Variants in ADAMTSL3 observed in about 807,000 individuals in gnomAD.
The protein encoded by ADAMTSL3 is ADAMTS-like protein 3.
ADAMTSL3 carries 128 observed loss-of-function variants against 201.7 expected under a neutral mutation model. The ratio of observed to expected loss-of-function variants is 0.63; its 90% CI spans 0.55 to 0.73. ADAMTSL3 has a LOEUF of 0.73. ADAMTSL3 is among the 30% of genes least tolerant of loss of function. ADAMTSL3 has a pLI of 0.00. For missense variants in ADAMTSL3, 1,990 were observed against 2,119.6 expected (o/e 0.94, Z 1.20); for synonymous variants, 738 against 748.4 (o/e 0.99, Z 0.23).
intron 7 of ADAMTSL3, among the ~76,000 whole-genome samples, chr15:83,855,405 C>T (rs181875436): frequency 6.6e-6 from 1 of 152,276 alleles, no homozygotes; most frequent in Admixed American, 6.5e-5. Flanking sequence ...CAAATGCCTC[C>T]TGGGGAAAAG....
intron 16 of ADAMTSL3, among the ~76,000 whole-genome samples, chr15:83,918,252 A>C (rs2141975503): frequency 1.3e-5 from 2 of 152,350 alleles, no homozygotes; most frequent in Middle Eastern, 6.8e-3. Context: ...TTTCATTTTA[A>C]AACAATGTTC....
At chr15:83,752,854 G>C (rs1192251590) in intron 3 of ADAMTSL3, among the ~76,000 whole-genome samples, 1 of 152,110 alleles carries the variant, frequency 6.6e-6, no homozygotes, top group Non-Finnish European at 1.5e-5. Context: ...AAATTATAGA[G>C]ACCGTTTGCT....
At chr15:83,690,933 A>T (rs1410800569) in intron 2 of ADAMTSL3, among the ~76,000 whole-genome samples, 1 of 152,204 alleles carries the variant, frequency 6.6e-6, no homozygotes, top group Non-Finnish European at 1.5e-5. Context: ...TTGTCAAAAT[A>T]TGCAAGCTGC....
Position 83,970,537 on chromosome 15 carries a change from G to C in ADAMTSL3, c.2544G>C (p.Arg848Ser), listed in dbSNP as rs765204256. 1.4e-5 allele frequency: 22 copies of C among 1,614,086 alleles called. No homozygotes were observed. The highest frequency in any genetic ancestry group is 1.3e-4 in the East Asian group (6 of 44,898). ...GIQRRKQVCQ[R>S]LAAKGRRIPL... ...AGAGAAGAAAGCAGGTGTGTCAAAG[G>C]CTGGCAGCCAAAGGTCGGCGCATCC... Residue 848 changes from arginine (R) to serine (S), a missense_variant, in exon 20 of 30, where the codon AGG (arginine) becomes AGC (serine). Arg to Ser is a moderately radical substitution (Grantham distance 110). Coordinates refer to ENST00000286744, the MANE Select transcript of ADAMTSL3 (RefSeq NM_207517.3).
At chr15:83,831,709 G>T (rs56144439) in intron 6 of ADAMTSL3, among the ~76,000 whole-genome samples, 1 of 151,932 alleles carries the variant, frequency 6.6e-6, no homozygotes, top group African/African-American at 2.4e-5. Flanking sequence ...AGATTCTTCC[G>T]TAGAAATCCT....
intron 3 of ADAMTSL3, among the ~76,000 whole-genome samples, chr15:83,716,294 G>A (rs1023281153): frequency 6.6e-6 from 1 of 152,162 alleles, no homozygotes; most frequent in Non-Finnish European, 1.5e-5. Context: ...CCTGAGGTCA[G>A]GAGTTTGAGA....
At chr15:83,807,924 T>C (rs1261796009) in intron 5 of ADAMTSL3, among the ~76,000 whole-genome samples, 1 of 152,140 alleles carries the variant, frequency 6.6e-6, no homozygotes, top group Admixed American at 6.6e-5. Flanking sequence ...CTGGGAAAAT[T>C]GGATATCTAT....
chr15:83,865,663 G>C, intron 8 of ADAMTSL3, among the ~76,000 whole-genome samples: 1 of 152,120 alleles, frequency 6.6e-6, no homozygotes, highest in South Asian at 2.1e-4. Context: ...AAAAACCCTA[G>C]AAGAAAACCT....
chr15:83,707,268 C>G (rs2061866298), intron 3 of ADAMTSL3, among the ~76,000 whole-genome samples: 1 of 152,286 alleles, frequency 6.6e-6, no homozygotes, highest in Non-Finnish European at 1.5e-5. Flanking sequence ...GGCGTTAATT[C>G]ATGTCTCCCT....
chr15:83,769,158 A>G (rs779211733), intron 3 of ADAMTSL3, among the ~76,000 whole-genome samples: 1 of 152,184 alleles, frequency 6.6e-6, no homozygotes, highest in Non-Finnish European at 1.5e-5. Context: ...CTAACTATGA[A>G]CTGAACAGAT....
rs569586643 is a variant in ADAMTSL3 at position 83,881,204 on chromosome 15, A to T, written c.961-3897A>T. On this transcript the variant is annotated intron_variant, in intron 9 of 29. Coordinates refer to ENST00000286744, the MANE Select transcript of ADAMTSL3 (RefSeq NM_207517.3). Reference sequence around the variant, plus strand: ...CTTTATCCAACAAAGAATTGAAATAACTTGAACCAGGGCTTTATTCCCTTT... The same window carrying T: ...CTTTATCCAACAAAGAATTGAAATATCTTGAACCAGGGCTTTATTCCCTTT... 7.9e-5 allele frequency among the ~76,000 whole-genome samples: 12 copies of T among 152,332 alleles called. No homozygotes were observed. In the South Asian group the frequency reaches 1.9e-3, roughly 24 times the overall value.
intron 16 of ADAMTSL3, among the ~76,000 whole-genome samples, chr15:83,918,016 T>G (rs1054720869): frequency 6.6e-6 from 1 of 152,244 alleles, no homozygotes; most frequent in Non-Finnish European, 1.5e-5. Flanking sequence ...AAAATCTGAC[T>G]AAATTGTTGA....
intron 2 of ADAMTSL3, among the ~76,000 whole-genome samples, chr15:83,675,670 C>G (rs540601612): frequency 7.3e-6 from 1 of 137,920 alleles, no homozygotes; most frequent in African/African-American, 2.7e-5. Context: ...TCTTCTGTTT[C>G]CTGAAGAGAT....
intron 23 of ADAMTSL3, among the ~76,000 whole-genome samples, chr15:83,998,089 G>C (rs2067721673): frequency 6.6e-6 from 1 of 151,924 alleles, no homozygotes; most frequent in Non-Finnish European, 1.5e-5. Flanking sequence ...TTACAAAGGA[G>C]TTCTTGGAGC....
intron 2 of ADAMTSL3, among the ~76,000 whole-genome samples, chr15:83,680,312 A>G (rs2061460501): frequency 6.6e-6 from 1 of 151,908 alleles, no homozygotes; most frequent in South Asian, 2.1e-4. Flanking sequence ...TCTTCTTTTT[A>G]CTTTTCAGAG....
chr15:83,944,568 C>T (rs926422948), intron 19 of ADAMTSL3, among the ~76,000 whole-genome samples: 7 of 152,304 alleles, frequency 4.6e-5, no homozygotes, highest in African/African-American at 1.2e-4. Flanking sequence ...CAGAAGCAGA[C>T]GTTGTCTCCC....
chr15:83,715,669 T>G (rs1389437799), intron 3 of ADAMTSL3, among the ~76,000 whole-genome samples: 1 of 152,184 alleles, frequency 6.6e-6, no homozygotes, highest in Admixed American at 6.5e-5. Context: ...TGTTGAAGAT[T>G]ATACCCCTTG....
intron 6 of ADAMTSL3, among the ~76,000 whole-genome samples, chr15:83,821,526 A>G (rs2063865006): frequency 2.0e-5 from 3 of 150,582 alleles, no homozygotes; most frequent in Non-Finnish European, 1.5e-5. Flanking sequence ...CTGAGTGGAC[A>G]CAGCACATGT....
intron 14 of ADAMTSL3, among the ~76,000 whole-genome samples, chr15:83,898,301 AAAG>A (rs1403612863): frequency 6.6e-6 from 1 of 152,178 alleles, no homozygotes; most frequent in Non-Finnish European, 1.5e-5. Context: ...CCTTGAAGAA[AAAG>A]AAGAAGAATG....
Sources: allele counts gnomAD v4.1 joint callset (sites outside exome capture counted in the v4.1 genomes callset), GRCh38; gene constraint gnomAD v4.1.1; transcripts MANE v1.5; gene names NCBI Gene and HGNC (gene_info 2026-07-23, HGNC 2026-07-21).